Variants in IGSF21 observed in about 807,000 individuals in gnomAD.
IGSF21 encodes immunoglobulin superfamily member 21.
In IGSF21, 28 loss-of-function variants were observed where a neutral mutation model predicts 46.8. The observed-to-expected ratio is 0.60, with a 90% CI of 0.44 to 0.82. The LOEUF (loss-of-function observed/expected upper bound fraction) is 0.82, where lower values mean the gene tolerates loss of function less well. Among genes scored for constraint, IGSF21 ranks in the 40% least tolerant of loss-of-function variants. The probability of loss-of-function intolerance (pLI) is 0.00; values close to 1 mark genes in which losing one functional copy is unlikely to be tolerated. For missense variants in IGSF21, 624 were observed against 665.5 expected, an observed-to-expected ratio of 0.94 and a Z score of 0.69; for synonymous variants, 284 against 273.6, an observed-to-expected ratio of 1.04 and a Z score of -0.38.
At chr1:18,126,974 C>T (rs562995312) in intron 1 of IGSF21, among the ~76,000 whole-genome samples, 5 of 152,240 alleles carry the variant, frequency 3.3e-5, no homozygotes, top group East Asian at 3.9e-4. Flanking sequence ...CCATTAGATG[C>T]CCCTCACCCT....
intron 2 of IGSF21, among the ~76,000 whole-genome samples, chr1:18,242,237 G>A (rs990190963): frequency 3.3e-5 from 5 of 152,172 alleles, no homozygotes; most frequent in Admixed American, 3.3e-4. Flanking sequence ...TCTCAGCACG[G>A]CAGAGCAGAC....
At chr1:18,237,821 G>A (rs2084687258) in intron 2 of IGSF21, among the ~76,000 whole-genome samples, 3 of 152,114 alleles carry the variant, frequency 2.0e-5, no homozygotes, top group Admixed American at 1.3e-4. Flanking sequence ...TAGCAGCCTT[G>A]CACTCCTCCT....
intron 1 of IGSF21, among the ~76,000 whole-genome samples, chr1:18,125,477 A>C (rs1363135320): frequency 2.0e-5 from 3 of 152,228 alleles, no homozygotes; most frequent in African/African-American, 7.2e-5. Context: ...ACCTCGTTGG[A>C]AATTTACAGC....
intron 1 of IGSF21, among the ~76,000 whole-genome samples, chr1:18,122,623 CTT>C (rs1025219600): frequency 1.7e-4 from 22 of 133,020 alleles, no homozygotes; most frequent in Admixed American, 3.7e-4. Context: ...GATTTTTTTT[CTT>C]TTTTTTTTTT....
At chr1:18,201,687 C>T (rs2124483362) in intron 1 of IGSF21, among the ~76,000 whole-genome samples, 1 of 152,212 alleles carries the variant, frequency 6.6e-6, no homozygotes, top group Non-Finnish European at 1.5e-5. Flanking sequence ...CTGGACTTTG[C>T]CTCCTCTGCC....
chr1:18,149,090 C>T (rs1040067887), intron 1 of IGSF21, among the ~76,000 whole-genome samples: 2 of 152,188 alleles, frequency 1.3e-5, no homozygotes, highest in Non-Finnish European at 2.9e-5. Context: ...CTGCATGCTC[C>T]GTAGTACTCC....
intron 6 of IGSF21, among the ~76,000 whole-genome samples, chr1:18,373,559 G>T (rs75788757): frequency 0.16 from 24,493 of 152,050 alleles, 2,282 homozygotes; most frequent in East Asian, 0.34. Context: ...CCAGGATAGA[G>T]CTTGAAAGCA....
intron 2 of IGSF21, among the ~76,000 whole-genome samples, chr1:18,272,068 G>T (rs2124546135): frequency 6.6e-6 from 1 of 152,328 alleles, no homozygotes; most frequent in Middle Eastern, 3.4e-3. Flanking sequence ...CGTGGCCAGG[G>T]AAGCCTCATA....
chr1:18,304,032 G>T (rs1381052383), intron 3 of IGSF21, among the ~76,000 whole-genome samples: 2 of 152,172 alleles, frequency 1.3e-5, no homozygotes, highest in Non-Finnish European at 2.9e-5. Flanking sequence ...GGTGTGATGG[G>T]GCTGGACAGG....
chr1:18,175,753 G>A (rs1315955662), intron 1 of IGSF21, among the ~76,000 whole-genome samples: 1 of 152,238 alleles, frequency 6.6e-6, no homozygotes, highest in Non-Finnish European at 1.5e-5. Context: ...TGGAGGGAGA[G>A]CTAATGAGCC....
chr1:18,252,044 C>T (rs1346565824), intron 2 of IGSF21, among the ~76,000 whole-genome samples: 1 of 98,982 alleles, frequency 1.0e-5, no homozygotes, highest in African/African-American at 3.5e-5. Context: ...CTGACCAAGG[C>T]GTTTTTTTTT....
At chr1:18,254,205 C>T (rs1489764593) in intron 2 of IGSF21, among the ~76,000 whole-genome samples, 1 of 151,418 alleles carries the variant, frequency 6.6e-6, no homozygotes, top group African/African-American at 2.4e-5. Context: ...CTCTTAACCC[C>T]AGGCTGAGAA....
intron 1 of IGSF21, among the ~76,000 whole-genome samples, chr1:18,213,748 T>A (rs61762145): frequency 0.14 from 21,409 of 151,922 alleles, 1,897 homozygotes; most frequent in South Asian, 0.19. Context: ...GGTGAAGGAG[T>A]CTGGGACAAA....
intron 1 of IGSF21, among the ~76,000 whole-genome samples, chr1:18,182,290 C>T (rs534304286): frequency 6.6e-6 from 1 of 151,618 alleles, no homozygotes; most frequent in South Asian, 2.1e-4. Context: ...GATGCTTCCA[C>T]CTCAGCCTCC....
At chr1:18,272,077 T>C (rs1024465903) in intron 2 of IGSF21, among the ~76,000 whole-genome samples, 1 of 152,054 alleles carries the variant, frequency 6.6e-6, no homozygotes, top group African/African-American at 2.4e-5. Context: ...GGAAGCCTCA[T>C]AATCATGGCC....
intron 1 of IGSF21, among the ~76,000 whole-genome samples, chr1:18,134,226 C>T (rs2086348813): frequency 6.6e-6 from 1 of 152,154 alleles, no homozygotes. Context: ...GTGGCCTTCC[C>T]ATTACCTGGG....
intron 4 of IGSF21, among the ~76,000 whole-genome samples, chr1:18,358,713 C>G (rs1402438314): frequency 2.0e-5 from 3 of 152,264 alleles, no homozygotes; most frequent in African/African-American, 7.2e-5. Context: ...CACTACGTTA[C>G]TGAATCTTCA....
intron 2 of IGSF21, among the ~76,000 whole-genome samples, chr1:18,284,124 G>C (rs1011586477): frequency 6.6e-6 from 1 of 152,086 alleles, no homozygotes; most frequent in Admixed American, 6.6e-5. Context: ...GCTCCTGAAA[G>C]GACCTCAAGC....
chr1:18,113,034 G>T (rs1357562711), intron 1 of IGSF21: 1 of 152,082 alleles, frequency 6.6e-6, no homozygotes, highest in Admixed American at 6.6e-5. Context: ...AATAAAAGGA[G>T]GTTCAGGATC....
Sources: allele counts gnomAD v4.1 joint callset (sites outside exome capture counted in the v4.1 genomes callset), GRCh38; gene constraint gnomAD v4.1.1; transcripts MANE v1.5; gene names NCBI Gene and HGNC (gene_info 2026-07-23, HGNC 2026-07-21).